Variants in ADAMTS17 observed in about 807,000 individuals in gnomAD.
ADAMTS17 encodes ADAM metallopeptidase with thrombospondin type 1 motif 17.
ADAMTS17 carries 113 observed loss-of-function variants against 141.5 expected under a neutral mutation model. The ratio of observed to expected loss-of-function variants is 0.80; its 90% CI spans 0.69 to 0.93. ADAMTS17 has a LOEUF of 0.93. Among genes scored for constraint, ADAMTS17 ranks in the 40% least tolerant of loss-of-function variants. The pLI is 0.00. For missense variants in ADAMTS17, 1,659 were observed against 1,517.9 expected, an observed-to-expected ratio of 1.09 and a Z score of -1.54; for synonymous variants, 768 against 630.6, an observed-to-expected ratio of 1.22 and a Z score of -3.27.
intron 18 of ADAMTS17, among the ~76,000 whole-genome samples, chr15:100,032,562 C>T (rs28504334): frequency 0.039 from 5,977 of 152,216 alleles, 387 homozygotes; most frequent in African/African-American, 0.14. Context: ...TGATAGCACT[C>T]GGAGTTAAAT....
At chr15:100,292,134 G>A (rs564850416) in intron 3 of ADAMTS17, among the ~76,000 whole-genome samples, 90 of 151,144 alleles carry the variant, frequency 6.0e-4, no homozygotes, top group African/African-American at 2.1e-3. Context: ...CGCTCAGCCC[G>A]TGGGGAGTCA....
intron 14 of ADAMTS17, among the ~76,000 whole-genome samples, chr15:100,103,328 G>A (rs1184783964): frequency 1.3e-5 from 2 of 152,192 alleles, no homozygotes; most frequent in African/African-American, 4.8e-5. Flanking sequence ...GCAAACCCAG[G>A]CTTAAGTGCC....
At position 100,199,432 on chromosome 15, in the gene ADAMTS17, G is replaced by A. The variant is rs374855646; in HGVS notation, c.1076-9C>T. The A allele has an allele frequency of 6.8e-6, 11 of 1,612,704 alleles. No individual in the cohort carries two copies. The highest frequency in any genetic ancestry group is 9.3e-6 in the Non-Finnish European group (11 of 1,178,840). On this transcript the variant is annotated splice_polypyrimidine_tract_variant and intron_variant, in intron 7 of 21. Coordinates refer to ENST00000268070, the MANE Select transcript of ADAMTS17 (RefSeq NM_139057.4). ...TCCTAAGTAAGCAATTCCTGCAGCA[G>A]AGACACAAAACACATCCTCTTCAGA...
At chr15:100,104,983 C>T (rs1050448263) in intron 14 of ADAMTS17, among the ~76,000 whole-genome samples, 5 of 152,190 alleles carry the variant, frequency 3.3e-5, no homozygotes, top group East Asian at 1.9e-4. Context: ...TTGTGAGCAT[C>T]GATTTAAGAG....
At chr15:100,235,991 G>A (rs2042641446) in intron 7 of ADAMTS17, among the ~76,000 whole-genome samples, 1 of 152,072 alleles carries the variant, frequency 6.6e-6, no homozygotes, top group South Asian at 2.1e-4. Context: ...TGGAAAATCT[G>A]ATGAGGTGGC....
At chr15:100,066,129 T>C (rs934209963) in intron 15 of ADAMTS17, among the ~76,000 whole-genome samples, 20 of 152,244 alleles carry the variant, frequency 1.3e-4, no homozygotes, top group African/African-American at 4.8e-4. Flanking sequence ...CTATCATTGA[T>C]GGGCATTTGG....
rs34003703 is a variant in ADAMTS17 at position 100,116,132 on chromosome 15, T to TAAAAAAA, written c.1888+708_1888+714dup. The stretch of plus-strand genomic sequence containing the variant: ...TTTCCTAAAGAAGAACAGTTTTAGG[T>TAAAAAAA]AAAAAAAAAAAAAAAAAAAAAAAAA... On this transcript the variant is annotated intron_variant, in intron 13 of 21. Coordinates refer to ENST00000268070, the MANE Select transcript of ADAMTS17 (RefSeq NM_139057.4). Among the ~76,000 whole-genome samples the TAAAAAAA allele has an allele frequency of 1.2e-3, 101 of 84,776 alleles. 2 individuals are homozygous for TAAAAAAA. Among genetic ancestry groups the TAAAAAAA allele is most frequent in the African/African-American group, 4.1e-3 (88 of 21,284 alleles). 55.6% of individuals were successfully genotyped at this position (84,776 alleles called of 152,430 possible).
At chr15:100,239,486 G>A (rs530367912) in intron 7 of ADAMTS17, among the ~76,000 whole-genome samples, 53 of 121,124 alleles carry the variant, frequency 4.4e-4, no homozygotes, top group African/African-American at 9.4e-4. Context: ...TCTCGGCACC[G>A]CTCCCAGGCC....
intron 20 of ADAMTS17, among the ~76,000 whole-genome samples, chr15:99,990,199 C>A (rs1394073050): frequency 6.6e-6 from 1 of 152,134 alleles, no homozygotes; most frequent in Non-Finnish European, 1.5e-5. Context: ...CCACGCCCAG[C>A]TATTTTTTTG....
chr15:100,192,029 C>T (rs1006553241), intron 8 of ADAMTS17, among the ~76,000 whole-genome samples: 2 of 152,108 alleles, frequency 1.3e-5, no homozygotes, highest in African/African-American at 4.8e-5. Context: ...TACTATATAC[C>T]CATAAAAATT....
chr15:100,306,153 C>T (rs550052585), intron 3 of ADAMTS17: 59 of 255,344 alleles, frequency 2.3e-4, no homozygotes, highest in African/African-American at 1.2e-3. Flanking sequence ...TTGTCACTAG[C>T]GGTGTCACCT....
At chr15:100,259,306 C>T (rs896456421) in intron 6 of ADAMTS17, among the ~76,000 whole-genome samples, 9 of 152,204 alleles carry the variant, frequency 5.9e-5, no homozygotes, top group South Asian at 4.1e-4. Context: ...CTCCCTAAAT[C>T]GAATCCACTC....
intron 7 of ADAMTS17, 116 bp from the exon 8 acceptor site, chr15:100,199,539 TGACTATGA>T: frequency 1.2e-6 from 1 of 869,222 alleles, no homozygotes; most frequent in Middle Eastern, 2.1e-4. Context: ...GCAACAATGG[TGACTATGA>T]GCCTCAGCCC....
At position 100,341,196 on chromosome 15, in the gene ADAMTS17, C is replaced by G. The variant is rs1253355032; in HGVS notation, c.293G>C (p.Arg98Pro). ...FGRDLYLQLR[R>P]DLRFLSRGFE... ...GCCTCGGGACAGGAAGCGCAGGTCG[C>G]GGCGCAGCTGAAGGTACAGGTCGCG... The change falls in exon 2 of 22, where the codon CGC becomes CCC. Residue 98 changes from arginine (R) to proline (P), a missense_variant. Physicochemically the swap from Arg to Pro is moderately radical, Grantham distance 103 (BLOSUM62 -2). Coordinates refer to ENST00000268070, the MANE Select transcript of ADAMTS17 (RefSeq NM_139057.4). 6.8e-6 allele frequency: 10 copies of G among 1,462,070 alleles called. No homozygotes were observed. Among genetic ancestry groups the G allele is most frequent in the East Asian group, 3.1e-5 (1 of 32,664 alleles). The allele number at this position is 1,462,070 out of a possible 1,614,324, so 90.6% of individuals were successfully genotyped here.
intron 4 of ADAMTS17, among the ~76,000 whole-genome samples, chr15:100,265,428 T>C (rs534201854): frequency 6.6e-6 from 1 of 152,324 alleles, no homozygotes; most frequent in Admixed American, 6.5e-5. Flanking sequence ...AAATTCCGTC[T>C]CCGGCGTCCA....
chr15:100,034,604 G>C (rs73482793), intron 18 of ADAMTS17, among the ~76,000 whole-genome samples: 1,644 of 152,340 alleles, frequency 0.011, 35 homozygotes, highest in African/African-American at 0.037. Context: ...CAGAACTGGT[G>C]TTTGTGACCT....
At chr15:100,240,186 G>A (rs2042787750) in intron 7 of ADAMTS17, among the ~76,000 whole-genome samples, 1 of 152,214 alleles carries the variant, frequency 6.6e-6, no homozygotes, top group Non-Finnish European at 1.5e-5. Flanking sequence ...CCTTAATGGA[G>A]ACTGGGAAGC....
At chr15:100,127,612 C>G (rs147191749) in intron 12 of ADAMTS17, among the ~76,000 whole-genome samples, 107 of 152,308 alleles carry the variant, frequency 7.0e-4, no homozygotes, top group African/African-American at 2.5e-3. Flanking sequence ...GATGGAGTCC[C>G]ACTCTGTCAC....
intron 8 of ADAMTS17, among the ~76,000 whole-genome samples, chr15:100,194,379 G>A (rs1395471191): frequency 2.0e-5 from 3 of 152,148 alleles, no homozygotes; most frequent in African/African-American, 4.8e-5. Flanking sequence ...CACTTCCCTC[G>A]AAACACAAGG....
Sources: allele counts gnomAD v4.1 joint callset (sites outside exome capture counted in the v4.1 genomes callset), GRCh38; gene constraint gnomAD v4.1.1; transcripts MANE v1.5; gene names NCBI Gene and HGNC (gene_info 2026-07-23, HGNC 2026-07-21).